Variants in ANP32A observed in about 807,000 individuals in gnomAD.
ANP32A encodes acidic nuclear phosphoprotein 32 family member A, also known as acidic leucine-rich nuclear phosphoprotein 32 family member A.
Under a neutral mutation model 33.9 loss-of-function variants are expected in ANP32A, and 1 was observed. The ratio of observed to expected loss-of-function variants is 0.03; its 90% CI spans 0.01 to 0.14. The LOEUF (loss-of-function observed/expected upper bound fraction) is 0.14. Among genes scored for constraint, ANP32A ranks in the 10% least tolerant of loss-of-function variants. ANP32A has a pLI of 1.00. For synonymous variants in ANP32A, 115 were observed against 120.5 expected, an observed-to-expected ratio of 0.95 and a Z score of 0.30; for missense variants, 155 against 306.0, an observed-to-expected ratio of 0.51 and a Z score of 3.68.
intron 3 of ANP32A, 158 bp downstream of exon 3, chr15:68,787,255 T>C (rs1441398449): frequency 2.8e-6 from 3 of 1,060,620 alleles, no homozygotes; most frequent in Non-Finnish European, 4.1e-6. Context: ...AGTTTCTCTA[T>C]GGACTCAGCA....
chr15:68,791,371 T>C (rs1292479069), intron 1 of ANP32A: 2 of 152,286 alleles, frequency 1.3e-5, no homozygotes, highest in Non-Finnish European at 2.9e-5. Flanking sequence ...TTGTTATAAG[T>C]GTTGGCCATG....
chr15:68,780,012 G>GC lies in ANP32A; in HGVS notation c.*68_*69insG, dbSNP rs951246496. The GC allele has an allele frequency of 2.1e-6, 3 of 1,420,202 alleles. No homozygotes were observed. Among genetic ancestry groups the GC allele is most frequent in the Non-Finnish European group, 2.9e-6 (3 of 1,020,146 alleles). The allele number at this position is 1,420,202 out of a possible 1,614,324, so 88.0% of individuals were successfully genotyped here. A position where few individuals can be genotyped will look rare whatever the true frequency, so the allele number is the denominator to read the frequency against. Reference sequence around the variant, plus strand: ...GTTTCAGGGGGCAGGATTGGAGGGGGGGGGGAGAGGGGATATGGGTAAAAA... The same window carrying GC: ...GTTTCAGGGGGCAGGATTGGAGGGGGCGGGGGAGAGGGGATATGGGTAAAAA... On this transcript the variant is annotated 3_prime_UTR_variant, in exon 7 of 7. Transcript: ENST00000465139. This position sits in a 1 kb window ranked among gnomAD's most constrained non-coding sequence, Gnocchi z 4.3.
intron 1 of ANP32A, among the ~76,000 whole-genome samples, chr15:68,820,490 C>A (rs1411055110): frequency 6.6e-6 from 1 of 152,162 alleles, no homozygotes; most frequent in African/African-American, 2.4e-5. Flanking sequence ...GGTAGTCACA[C>A]ACCAAGGGCA....
intron 1 of ANP32A, among the ~76,000 whole-genome samples, chr15:68,814,162 C>T (rs1183694106): frequency 6.6e-6 from 1 of 152,096 alleles, no homozygotes; most frequent in Non-Finnish European, 1.5e-5. Context: ...AGCCACTGCA[C>T]CCAGCCTCCA....
intron 4 of ANP32A, 105 bp downstream of exon 4, chr15:68,784,292 G>T: frequency 7.6e-7 from 1 of 1,322,762 alleles, no homozygotes; most frequent in Non-Finnish European, 1.1e-6. Flanking sequence ...CAGTAGCTGG[G>T]TGGGGGCCTC....
At position 68,780,417 on chromosome 15, in the gene ANP32A, CTCT is replaced by C. The variant is rs760193841; in HGVS notation, c.678_680del (p.Glu227del). The stretch of plus-strand genomic sequence containing the variant: ...GTAAAAAGGCTGCCATACCACCAAG[CTCT>C]TCTTCATCTTCCTCGTCATCTACCT... On this transcript the variant is annotated inframe_deletion, in exon 6 of 7. Coordinates refer to ENST00000465139, the MANE Select transcript of ANP32A (RefSeq NM_006305.4). This position sits in a 1 kb window ranked among gnomAD's most constrained non-coding sequence, Gnocchi z 4.3. 4.3e-6 allele frequency: 7 copies of C among 1,614,060 alleles called. No homozygotes were observed. The East Asian group carries it at 6.7e-5, about 15-fold the overall frequency.
intron 1 of ANP32A, among the ~76,000 whole-genome samples, chr15:68,804,683 T>C (rs1894190417): frequency 6.6e-6 from 1 of 152,082 alleles, no homozygotes; most frequent in Non-Finnish European, 1.5e-5. Flanking sequence ...GCCCAATTAA[T>C]TTTTGTATTT....
rs1367193639 is a variant in ANP32A, at chr15:68,778,945, C to CA, written c.*1135dup. 1.3e-5 allele frequency: 2 copies of CA among 152,090 alleles called. No individual in the cohort carries two copies. Among genetic ancestry groups the CA allele is most frequent in the African/African-American group, 4.8e-5 (2 of 41,408 alleles). 9.4% of individuals were successfully genotyped at this position (152,090 alleles called of 1,614,324 possible). A position where few individuals can be genotyped will look rare whatever the true frequency, so the allele number is the denominator to read the frequency against. Reference sequence around the variant, plus strand: ...TTTATTGAAATTTATCAATGACAAACAGACATAAAACTCAAAGTTTGGCTC... The same window carrying CA: ...TTTATTGAAATTTATCAATGACAAACAAGACATAAAACTCAAAGTTTGGCTC... On this transcript the variant is annotated 3_prime_UTR_variant, in exon 7 of 7. Coordinates refer to ENST00000465139, the MANE Select transcript of ANP32A (RefSeq NM_006305.4).
intron 1 of ANP32A, among the ~76,000 whole-genome samples, chr15:68,809,190 G>C (rs557307792): frequency 2.0e-5 from 3 of 152,194 alleles, no homozygotes; most frequent in Non-Finnish European, 2.9e-5. Context: ...ACACACGGCA[G>C]TGGAGCCTTG....
At chr15:68,792,716 A>C (rs1304577835) in intron 1 of ANP32A, among the ~76,000 whole-genome samples, 5 of 152,110 alleles carry the variant, frequency 3.3e-5, no homozygotes, top group Non-Finnish European at 7.4e-5. Context: ...TATGACTGTG[A>C]GGATGGAAGT....
chr15:68,817,993 C>G (rs1894409377), intron 1 of ANP32A, among the ~76,000 whole-genome samples: 1 of 152,224 alleles, frequency 6.6e-6, no homozygotes, highest in South Asian at 2.1e-4. Context: ...CCAGTAACGC[C>G]TCGGCGCCCT....
At chr15:68,804,215 T>C (rs1894181079) in intron 1 of ANP32A, among the ~76,000 whole-genome samples, 1 of 151,958 alleles carries the variant, frequency 6.6e-6, no homozygotes, top group African/African-American at 2.4e-5. Flanking sequence ...AAGTCAAGAG[T>C]CTAAGGTATT....
intron 1 of ANP32A, chr15:68,790,142 C>T (rs1360536161): frequency 6.6e-6 from 1 of 152,286 alleles, no homozygotes; most frequent in African/African-American, 2.4e-5. Flanking sequence ...TAATTGGTTT[C>T]CTTGGAAGGC....
chr15:68,809,096 G>A (rs570149592), intron 1 of ANP32A, among the ~76,000 whole-genome samples: 19 of 152,320 alleles, frequency 1.2e-4, no homozygotes, highest in Non-Finnish European at 7.3e-5. Flanking sequence ...GAACCCGGGG[G>A]TTTACCTCTG....
intron 5 of ANP32A, chr15:68,781,376 T>TCC (rs141356728): frequency 7.2e-6 from 1 of 139,234 alleles, no homozygotes; most frequent in Non-Finnish European, 1.5e-5. Flanking sequence ...TCCACAACCC[T>TCC]CCCCCATCCC....
intron 1 of ANP32A, chr15:68,789,949 A>T (rs541690802): frequency 1.3e-5 from 2 of 152,496 alleles, no homozygotes; most frequent in African/African-American, 4.8e-5. Context: ...GGTCATGGCA[A>T]GAGTGCCTGG....
At chr15:68,811,823 G>A (rs963631191) in intron 1 of ANP32A, among the ~76,000 whole-genome samples, 12 of 152,016 alleles carry the variant, frequency 7.9e-5, no homozygotes, top group Non-Finnish European at 1.3e-4. Flanking sequence ...TGCAACCTCC[G>A]TCTCCCAGGT....
intron 1 of ANP32A, among the ~76,000 whole-genome samples, chr15:68,805,875 C>T (rs1416255112): frequency 1.3e-5 from 2 of 152,126 alleles, no homozygotes; most frequent in African/African-American, 4.8e-5. Context: ...TGACTGTCTC[C>T]CCCAGCGGAA....
chr15:68,799,398 C>T (rs1596069474), intron 1 of ANP32A, among the ~76,000 whole-genome samples: 2 of 152,212 alleles, frequency 1.3e-5, no homozygotes, highest in African/African-American at 2.4e-5. Context: ...TAGAACCTTA[C>T]CTACACTTGT....
Sources: allele counts gnomAD v4.1 joint callset (sites outside exome capture counted in the v4.1 genomes callset), GRCh38; gene constraint gnomAD v4.1.1; non-coding constraint Gnocchi (gnomAD v3.1); transcripts MANE v1.5; gene names NCBI Gene and HGNC (gene_info 2026-07-23, HGNC 2026-07-21).